Variants in SYCP1 observed in about 807,000 individuals in gnomAD.
SYCP1 encodes the protein cancer/testis antigen 8.
SYCP1 carries 64 observed loss-of-function variants against 153.1 expected under a neutral mutation model. The observed-to-expected ratio is 0.42, with a 90% confidence interval of 0.34 to 0.51. SYCP1 has a LOEUF of 0.51. Among genes scored for constraint, SYCP1 ranks in the 20% least tolerant of loss-of-function variants. The pLI, the probability that SYCP1 is intolerant of heterozygous loss-of-function variation, is 0.06. For synonymous variants in SYCP1, 384 were observed against 341.8 expected, an observed-to-expected ratio of 1.12 and a Z score of -1.36; for missense variants, 997 against 1,049.0, an observed-to-expected ratio of 0.95 and a Z score of 0.68.
At chr1:114,864,326 A>G (rs1664583829) in intron 8 of SYCP1, among the ~76,000 whole-genome samples, 1 of 152,090 alleles carries the variant, frequency 6.6e-6, no homozygotes, top group Non-Finnish European at 1.5e-5. Flanking sequence ...AGGAAAGAAT[A>G]TTTCAGGCAG....
chr1:114,857,724 G>A (rs1664105698), intron 5 of SYCP1, among the ~76,000 whole-genome samples: 1 of 152,024 alleles, frequency 6.6e-6, no homozygotes, highest in Non-Finnish European at 1.5e-5. Context: ...GGGGAAACGA[G>A]TACTATACCT....
At chr1:114,977,643 T>C in intron 28 of SYCP1, 27 bp downstream of exon 28, 1 of 1,362,346 alleles carries the variant, frequency 7.3e-7, no homozygotes, top group Non-Finnish European at 9.9e-7. Flanking sequence ...CTCATAGTTT[T>C]AAAATACCAA....
chr1:114,961,366 CTT>C (rs1164224536), intron 27 of SYCP1, among the ~76,000 whole-genome samples: 8 of 152,132 alleles, frequency 5.3e-5, no homozygotes, highest in Admixed American at 1.3e-4. Flanking sequence ...TTTGTAATTT[CTT>C]TTCTTCTGCT....
chr1:114,861,138 G>A (rs1358098902), intron 8 of SYCP1, among the ~76,000 whole-genome samples: 4 of 152,178 alleles, frequency 2.6e-5, no homozygotes, highest in South Asian at 2.1e-4. Flanking sequence ...AGCCATGCTC[G>A]TAATAGAAAA....
At chr1:114,947,122 C>G (rs1670758300) in intron 26 of SYCP1, 124 bp from the exon 27 acceptor site, 1 of 759,386 alleles carries the variant, frequency 1.3e-6, no homozygotes, top group East Asian at 2.8e-5. Context: ...TTAAAAGTAT[C>G]TACATTTTAT....
intron 15 of SYCP1, among the ~76,000 whole-genome samples, chr1:114,893,669 C>G (rs990831362): frequency 2.6e-5 from 4 of 151,930 alleles, no homozygotes; most frequent in African/African-American, 9.7e-5. Flanking sequence ...ATTGTTGGTA[C>G]CTGATTGTTG....
At chr1:114,943,126 G>T (rs1333287636) in intron 23 of SYCP1, among the ~76,000 whole-genome samples, 1 of 151,926 alleles carries the variant, frequency 6.6e-6, no homozygotes, top group African/African-American at 2.4e-5. Context: ...AAGTTGTGAA[G>T]CAGGAAAAGT....
At chr1:114,965,913 G>C (rs1350396298) in intron 27 of SYCP1, among the ~76,000 whole-genome samples, 1 of 152,140 alleles carries the variant, frequency 6.6e-6, no homozygotes, top group African/African-American at 2.4e-5. Flanking sequence ...GTTTCAGAAG[G>C]AATGGTACCG....
At chr1:114,912,820 A>G (rs993220958) in intron 18 of SYCP1, among the ~76,000 whole-genome samples, 1 of 151,972 alleles carries the variant, frequency 6.6e-6, no homozygotes, top group African/African-American at 2.4e-5. Flanking sequence ...AAAATTTAGT[A>G]AAGAAAAATT....
intron 8 of SYCP1, among the ~76,000 whole-genome samples, chr1:114,870,246 C>A (rs934934966): frequency 2.6e-5 from 4 of 152,090 alleles, no homozygotes; most frequent in Admixed American, 2.0e-4. Context: ...CTCTTGGGCT[C>A]AAGTGATCCT....
intron 15 of SYCP1, among the ~76,000 whole-genome samples, chr1:114,889,371 C>A (rs1374014969): frequency 1.3e-5 from 2 of 152,124 alleles, no homozygotes; most frequent in South Asian, 2.1e-4. Flanking sequence ...TCTGTTGTTT[C>A]CTGACTTTTT....
chr1:114,966,300 A>G (rs1672124598), intron 27 of SYCP1, among the ~76,000 whole-genome samples: 2 of 151,618 alleles, frequency 1.3e-5, no homozygotes, highest in Admixed American at 1.3e-4. Flanking sequence ...ACCAGCTCCT[A>G]GATTCGTTGA....
intron 8 of SYCP1, among the ~76,000 whole-genome samples, chr1:114,869,660 T>A (rs539399617): frequency 6.6e-6 from 1 of 152,310 alleles, no homozygotes; most frequent in African/African-American, 2.4e-5. Flanking sequence ...AAATGCTCAT[T>A]GGAGCATTTC....
chr1:114,894,958 TA>T (rs1666960561), intron 15 of SYCP1, among the ~76,000 whole-genome samples: 1 of 152,106 alleles, frequency 6.6e-6, no homozygotes, highest in African/African-American at 2.4e-5. Flanking sequence ...TTAGACGAGA[TA>T]AGGGAAATTA....
chr1:114,974,778 A>G (rs1672707664), intron 27 of SYCP1, among the ~76,000 whole-genome samples: 1 of 151,808 alleles, frequency 6.6e-6, no homozygotes, highest in Non-Finnish European at 1.5e-5. Context: ...ATTGTGAATA[A>G]TGCTGTAATG....
chr1:114,963,997 A>G lies in SYCP1; in HGVS notation c.2323-13560A>G, dbSNP rs1232684100. 2.0e-5 allele frequency among the ~76,000 whole-genome samples: 3 copies of G among 152,198 alleles called. No individual in the cohort carries two copies. In the East Asian group the frequency reaches 5.8e-4, roughly 29 times the overall value. On this transcript the variant is annotated intron_variant, in intron 27 of 31. Coordinates refer to ENST00000369522, the MANE Select transcript of SYCP1 (RefSeq NM_003176.4). ...TAATTTACACTCCCACCAACTGTGT[A>G]AAAGCATTCCTATTTCTCCACATCC...
At chr1:114,976,783 T>G (rs1672818097) in intron 27 of SYCP1, among the ~76,000 whole-genome samples, 3 of 151,742 alleles carry the variant, frequency 2.0e-5, no homozygotes, top group Non-Finnish European at 3.0e-5. Flanking sequence ...TGAAGTGAGT[T>G]CTGTGATTAG....
At chr1:114,954,318 A>T (rs1671294141) in intron 27 of SYCP1, among the ~76,000 whole-genome samples, 1 of 151,896 alleles carries the variant, frequency 6.6e-6, no homozygotes, top group Non-Finnish European at 1.5e-5. Context: ...TTTGTTTCCT[A>T]TATGCTTATC....
In SYCP1 at chr1:114,923,592, T is replaced by C. The variant is rs1020586353; in HGVS notation, c.1800+62T>C. ...TTCAAATTATAAAAGCAACACCATA[T>C]GTCTAAACTAAAATAAAGGGAAGTA... On this transcript the variant is annotated intron_variant, in intron 21 of 31. Coordinates refer to ENST00000369522, the MANE Select transcript of SYCP1 (RefSeq NM_003176.4). The C allele has an allele frequency of 2.0e-5, 28 of 1,427,048 alleles. No homozygotes were observed. In the Admixed American group the frequency reaches 2.0e-4, roughly 10 times the overall value. The allele number at this position is 1,427,048 out of a possible 1,614,324, so 88.4% of individuals were successfully genotyped here. A position where few individuals can be genotyped will look rare whatever the true frequency, so the allele number is the denominator to read the frequency against.
Sources: allele counts gnomAD v4.1 joint callset (sites outside exome capture counted in the v4.1 genomes callset), GRCh38; gene constraint gnomAD v4.1.1; transcripts MANE v1.5; gene names NCBI Gene and HGNC (gene_info 2026-07-23, HGNC 2026-07-21).